RICTOR: variants seen among roughly 807,000 people sequenced by gnomAD.
RICTOR encodes rapamycin-insensitive companion of mTOR.
A neutral mutation model predicts 214.9 loss-of-function variants in RICTOR; 49 were observed. The ratio of observed to expected loss-of-function variants is 0.23; its 90% CI spans 0.18 to 0.29. RICTOR has a LOEUF of 0.29. Ranked by LOEUF, RICTOR falls within the 10% of genes least tolerant of loss-of-function variation. The pLI is 1.00. For missense variants in RICTOR, 1,625 were observed against 2,047.0 expected (o/e 0.79, Z 3.98); for synonymous variants, 717 against 711.3 (o/e 1.01, Z -0.13).
intron 3 of RICTOR, among the ~76,000 whole-genome samples, chr5:39,017,415 T>C (rs1403089644): frequency 6.6e-6 from 1 of 152,142 alleles, no homozygotes; most frequent in African/African-American, 2.4e-5. Flanking sequence ...GATTTGACAT[T>C]ATCTCACCAC....
chr5:38,954,467 G>C (rs1203341191), intron 27 of RICTOR, among the ~76,000 whole-genome samples: 2 of 151,894 alleles, frequency 1.3e-5, no homozygotes, highest in East Asian at 3.9e-4. Flanking sequence ...TTGGAGATCT[G>C]AATTTCTCCA....
Position 38,942,979 on chromosome 5 carries a change from A to T in RICTOR, c.4914-8T>A, listed in dbSNP as rs752783373. On this transcript the variant is annotated splice_region_variant and splice_polypyrimidine_tract_variant and intron_variant, in intron 36 of 37. Coordinates refer to ENST00000357387, the MANE Select transcript of RICTOR (RefSeq NM_152756.5). Reference sequence around the variant, plus strand: ...GGATACTTCTCCTTAATTCTAAAATAAAAGATTATGGTGTGATGAAAACTG... The same window carrying T: ...GGATACTTCTCCTTAATTCTAAAATTAAAGATTATGGTGTGATGAAAACTG... 6.3e-7 allele frequency: 1 copy of T among 1,590,226 alleles called. No homozygotes were observed. Among genetic ancestry groups the T allele is most frequent in the Non-Finnish European group, 8.6e-7 (1 of 1,158,538 alleles).
chr5:38,959,396 C>T, intron 21 of RICTOR, 75 bp from the exon 22 acceptor site: 2 of 849,702 alleles, frequency 2.4e-6, no homozygotes, highest in Non-Finnish European at 3.5e-6. Context: ...AATATTTTTT[C>T]CAGCTTTACT....
At chr5:38,990,638 A>ATATAT (rs1221163724) in intron 7 of RICTOR, among the ~76,000 whole-genome samples, 2 of 137,576 alleles carry the variant, frequency 1.5e-5, no homozygotes, top group African/African-American at 5.5e-5. Flanking sequence ...TATATATCTG[A>ATATAT]CATATATCAG....
chr5:39,018,044 T>C (rs1755099798), intron 3 of RICTOR, among the ~76,000 whole-genome samples: 1 of 152,146 alleles, frequency 6.6e-6, no homozygotes, highest in Admixed American at 6.6e-5. Flanking sequence ...TTTAATATAC[T>C]AAAAGGTGGG....
chr5:39,057,491 A>G (rs1302539503), intron 2 of RICTOR, among the ~76,000 whole-genome samples: 1 of 152,134 alleles, frequency 6.6e-6, no homozygotes, highest in Non-Finnish European at 1.5e-5. Context: ...GGTTTACTGC[A>G]CTACTTCAGC....
intron 2 of RICTOR, among the ~76,000 whole-genome samples, chr5:39,073,432 C>G (rs990065376): frequency 2.6e-5 from 4 of 152,190 alleles, no homozygotes; most frequent in Non-Finnish European, 5.9e-5. Context: ...ACAAACCCAT[C>G]TCCACTGCAG....
intron 7 of RICTOR, among the ~76,000 whole-genome samples, chr5:38,983,810 A>G (rs900159860): frequency 1.3e-5 from 2 of 151,908 alleles, no homozygotes; most frequent in Non-Finnish European, 1.5e-5. Flanking sequence ...AAAATACAAA[A>G]AAAAATTAGC....
chr5:39,035,230 G>A (rs1187823717), intron 2 of RICTOR, among the ~76,000 whole-genome samples: 1 of 152,130 alleles, frequency 6.6e-6, no homozygotes, highest in Non-Finnish European at 1.5e-5. Flanking sequence ...GTGGACCTCG[G>A]GCGAACTCCA....
chr5:38,996,743 A>C (rs1753206884), intron 6 of RICTOR, 76 bp downstream of exon 6: 2 of 868,702 alleles, frequency 2.3e-6, no homozygotes. Flanking sequence ...AAGATTTCAC[A>C]AAAGTCTAAT....
intron 8 of RICTOR, chr5:38,981,517 A>AT (rs1452728934): frequency 6.0e-6 from 1 of 166,404 alleles, no homozygotes; most frequent in East Asian, 1.7e-4. Context: ...ATATTGTATA[A>AT]TTAGCAGGAG....
intron 2 of RICTOR, among the ~76,000 whole-genome samples, chr5:39,053,242 T>C (rs1757968147): frequency 6.6e-6 from 1 of 152,216 alleles, no homozygotes; most frequent in African/African-American, 2.4e-5. Context: ...CCTCCTCTAT[T>C]TGCTAAAGGT....
At position 38,944,555 on chromosome 5, in the gene RICTOR, G is replaced by C. The variant is rs777877219; in HGVS notation, c.4804C>G (p.Pro1602Ala). Residue 1602 changes from proline (P) to alanine (A), a missense_variant, in exon 36 of 38, where the codon CCA (proline) becomes GCA (alanine). By Grantham distance (27) the Pro-to-Ala change is conservative. Transcript: ENST00000357387. ...ATACGGCACATTGGTGTATCATCTG[G>C]AATTGTTTTAACACCTGAAAAGATT... ...TELLLGVKTI[P>A]DDTPMCRILL... 1 of 1,599,892 alleles carries C rather than the reference G, an allele frequency of 6.3e-7. No homozygotes were observed. The highest frequency in any genetic ancestry group is 8.5e-7 in the Non-Finnish European group (1 of 1,175,286).
At chr5:38,976,340 T>G (rs1751227684) in intron 9 of RICTOR, among the ~76,000 whole-genome samples, 1 of 152,128 alleles carries the variant, frequency 6.6e-6, no homozygotes, top group Admixed American at 6.5e-5. Context: ...ACTTAAATTT[T>G]TAATGGTTGT....
intron 2 of RICTOR, among the ~76,000 whole-genome samples, chr5:39,055,947 A>G (rs1275021272): frequency 1.3e-5 from 2 of 152,200 alleles, no homozygotes; most frequent in African/African-American, 2.4e-5. Context: ...CTCAGATTGG[A>G]TATGTGGAAT....
intron 2 of RICTOR, among the ~76,000 whole-genome samples, chr5:39,034,386 G>T (rs147166208): frequency 0.033 from 5,031 of 152,316 alleles, 138 homozygotes; most frequent in South Asian, 0.081. Context: ...CTCCCAGCAT[G>T]AGCAATGCAG....
intron 2 of RICTOR, among the ~76,000 whole-genome samples, chr5:39,058,971 G>A (rs906676341): frequency 6.6e-6 from 1 of 152,024 alleles, no homozygotes; most frequent in African/African-American, 2.4e-5. Context: ...GAAAAGTTCA[G>A]GCTGAAGACA....
rs1490795665 is a variant in RICTOR at position 38,990,639 on chromosome 5, C to CAGATATATATCAG, written c.583+309_583+310insCTGATATATATCT. Among the ~76,000 whole-genome samples the CAGATATATATCAG allele has an allele frequency of 1.1e-3, 89 of 82,306 alleles. 10 individuals carry two copies. The highest frequency in any genetic ancestry group is 5.2e-3 in the East Asian group (12 of 2,320). The allele number at this position is 82,306 out of a possible 152,430, so 54.0% of individuals were successfully genotyped here. ...TACGATATATGATATATATATCTGA[C>CAGATATATATCAG]ATATATCAGATATATGATATATATC... On this transcript the variant is annotated intron_variant, in intron 7 of 37. Transcript: ENST00000357387.
chr5:39,053,712 G>A (rs551447340), intron 2 of RICTOR, among the ~76,000 whole-genome samples: 5,735 of 150,150 alleles, frequency 0.038, 210 homozygotes, highest in African/African-American at 0.09. Context: ...CTAACACGGT[G>A]AAACCCCGTC....
Sources: gnomAD v4.1 joint callset for allele counts (sites outside exome capture counted in the v4.1 genomes callset) on GRCh38, gnomAD v4.1.1 for gene constraint, MANE v1.5 for transcripts, NCBI Gene and HGNC (gene_info 2026-07-23, HGNC 2026-07-21) for gene names.